The following NPRL3 variants were observed in gnomAD, a reference collection of about 807,000 sequenced individuals.
NPRL3 encodes the protein NPR3 like, GATOR1 complex subunit, also known as GATOR1 complex protein NPRL3.
Under a neutral mutation model 57.2 loss-of-function variants are expected in NPRL3, and 23 were observed. That is an observed-to-expected ratio of 0.40 (90% confidence interval 0.29 to 0.57). The LOEUF is 0.57. NPRL3 is among the 20% of genes least tolerant of loss of function. The pLI is 0.42. For synonymous variants in NPRL3, 333 were observed against 321.1 expected, an observed-to-expected ratio of 1.04 and a Z score of -0.39; for missense variants, 691 against 767.1, an observed-to-expected ratio of 0.90 and a Z score of 1.17.
intron 3 of NPRL3, among the ~76,000 whole-genome samples, chr16:129,908 T>C (rs1165278784): frequency 6.6e-6 from 1 of 152,200 alleles, no homozygotes; most frequent in Non-Finnish European, 1.5e-5. Flanking sequence ...TGTTACCATT[T>C]ACTATGCTTC....
intron 8 of NPRL3, among the ~76,000 whole-genome samples, 157 bp from the exon 9 acceptor site, chr16:98,458 A>G (rs542351883): frequency 1.2e-4 from 18 of 151,644 alleles, no homozygotes; most frequent in African/African-American, 4.4e-4. Flanking sequence ...ACTCAAACAC[A>G]CGGAACATAC....
chr16:85,451 G>A lies in NPRL3; in HGVS notation c.*1254C>T. The A allele has an allele frequency of 1.9e-6, 3 of 1,612,912 alleles. No homozygotes were observed. Among genetic ancestry groups the A allele is most frequent in the Non-Finnish European group, 2.5e-6 (3 of 1,179,966 alleles). ...AGCACTGGAGCCCCTGGAAGGTCTG[G>A]AGACCATGCGTCAGCTTCGCAGCAC... On this transcript the variant is annotated 3_prime_UTR_variant, in exon 14 of 14. Transcript: ENST00000611875.
At chr16:87,612 G>A (rs75943003) in intron 13 of NPRL3, among the ~76,000 whole-genome samples, 1 of 148,106 alleles carries the variant, frequency 6.8e-6, no homozygotes. Context: ...TGGGCTCACT[G>A]CAACTCCCGC....
chr16:98,316 C>A lies in NPRL3; in HGVS notation c.768-15G>T. 2 of 1,607,540 alleles carry A rather than the reference C, an allele frequency of 1.2e-6. No individual in the cohort carries two copies. Among genetic ancestry groups the A allele is most frequent in the African/African-American group, 1.4e-5 (1 of 72,830 alleles). On this transcript the variant is annotated splice_polypyrimidine_tract_variant and intron_variant, in intron 8 of 13. Transcript: ENST00000611875. ...CATGGTAGGGGCTGCAAAACAATCA[C>A]CTGTCACGGAACACACGAAGTGCAG...
At chr16:117,858 C>T (rs1218257501) in intron 4 of NPRL3, among the ~76,000 whole-genome samples, 1 of 152,266 alleles carries the variant, frequency 6.6e-6, no homozygotes, top group Admixed American at 6.5e-5. Flanking sequence ...GCCAGCTTCA[C>T]AAGGACCAGG....
rs1159500068 is a variant in NPRL3 at position 85,848 on chromosome 16, T to C, written c.*857A>G. The C allele has an allele frequency of 3.6e-6, 5 of 1,392,114 alleles. No individual in the cohort carries two copies. Among genetic ancestry groups the C allele is most frequent in the Non-Finnish European group, 4.7e-6 (5 of 1,069,928 alleles). The allele number at this position is 1,392,114 out of a possible 1,614,324, so 86.2% of individuals were successfully genotyped here. A position where few individuals can be genotyped will look rare whatever the true frequency, so the allele number is the denominator to read the frequency against. ...AATAAATGTTTTATTTCTAGAAAAC[T>C]GTGCCTTAGCCAGAGCTCCTCTAGG... On this transcript the variant is annotated 3_prime_UTR_variant, in exon 14 of 14. Transcript: ENST00000611875.
At chr16:138,075 G>A (rs1472156818) in intron 2 of NPRL3, 75 bp downstream of exon 2, 3 of 1,094,570 alleles carry the variant, frequency 2.7e-6, no homozygotes, top group African/African-American at 3.2e-5. Flanking sequence ...GCTCCGCGAG[G>A]CGGCCCTGGA....
chr16:99,961 A>AAAAAAAAAAAAAAAAAAG (rs1567134282), intron 8 of NPRL3, among the ~76,000 whole-genome samples: 14 of 123,362 alleles, frequency 1.1e-4, no homozygotes, highest in Non-Finnish European at 1.7e-4. Context: ...CACCCCCGCA[A>AAAAAAAAAAAAAAAAAAG]AAAAAAAAAA....
intron 3 of NPRL3, 109 bp from the exon 4 acceptor site, chr16:119,364 T>G: frequency 1.8e-6 from 2 of 1,108,906 alleles, no homozygotes; most frequent in Non-Finnish European, 2.6e-6. Flanking sequence ...CTTCATGGAG[T>G]TGCTCTGCCC....
At chr16:93,006 G>C (rs1473118305) in intron 10 of NPRL3, 6 of 614,966 alleles carry the variant, frequency 9.8e-6, no homozygotes, top group Non-Finnish European at 1.7e-5. Flanking sequence ...CCAGGCATAT[G>C]GGGGACACAG....
intron 4 of NPRL3, 138 bp downstream of exon 4, chr16:118,988 G>C (rs1383323916): frequency 7.6e-7 from 1 of 1,312,948 alleles, no homozygotes; most frequent in East Asian, 2.5e-5. Context: ...AGCCCCACCT[G>C]CCCAAGGAGA....
At chr16:124,973 A>AGGCTGAGGCAGGAGAATC (rs1312253378) in intron 3 of NPRL3, 2 of 150,288 alleles carry the variant, frequency 1.3e-5, no homozygotes, top group Non-Finnish European at 2.9e-5. Context: ...GCTACTCGGG[A>AGGCTGAGGCAGGAGAATC]GGCTGAGGCA....
chr16:96,196 G>C (rs1399460312), intron 9 of NPRL3, among the ~76,000 whole-genome samples: 3 of 152,212 alleles, frequency 2.0e-5, no homozygotes, highest in African/African-American at 4.8e-5. Flanking sequence ...ACTCCTGCCA[G>C]ACAACCTCAG....
At chr16:119,073 A>T in intron 4 of NPRL3, 53 bp downstream of exon 4, 3 of 1,520,758 alleles carry the variant, frequency 2.0e-6, no homozygotes, top group Non-Finnish European at 2.6e-6. Flanking sequence ...CACCTGCCCA[A>T]GGAGAGCCAC....
chr16:93,036 G>GCACAGAT, intron 10 of NPRL3, 183 bp downstream of exon 10: 1 of 628,630 alleles, frequency 1.6e-6, no homozygotes, highest in East Asian at 2.7e-5. Context: ...AGAGCACAGA[G>GCACAGAT]CCAGACCAGA....
Position 92,669 on chromosome 16 carries a change from G to A in NPRL3, c.1088C>T (p.Ser363Phe). Residue 363 changes from serine (S) to phenylalanine (F), a missense_variant, in exon 11 of 14, where the codon TCC becomes TTC. Coordinates refer to ENST00000611875, the MANE Select transcript of NPRL3 (RefSeq NM_001077350.3). ...CGGCAAGGAGAACTTGGCAAGAACG[G>A]ACGGCAGGTCATGAGATGGGAACTG... is the stretch of plus-strand genomic sequence containing the variant. ...SHQFPSHDLPSVLAKFSLPVS... is the reference protein window; with the variant it reads ...SHQFPSHDLPFVLAKFSLPVS... 6.2e-7 allele frequency: 1 copy of A among 1,613,926 alleles called. No individual in the cohort carries two copies.
At chr16:90,073 G>C (rs1005544392) in intron 11 of NPRL3, 171 bp from the exon 12 acceptor site, 2 of 614,166 alleles carry the variant, frequency 3.3e-6, no homozygotes, top group East Asian at 3.2e-5. Flanking sequence ...AGCTCTGCAA[G>C]GCCCGCTCAC....
intron 2 of NPRL3, among the ~76,000 whole-genome samples, chr16:133,889 T>C (rs1309529425): frequency 6.6e-6 from 1 of 152,146 alleles, no homozygotes; most frequent in African/African-American, 2.4e-5. Context: ...AATATTGTTG[T>C]GTCTAAGGGA....
At chr16:89,158 A>G (rs1898644262) in intron 12 of NPRL3, 3 of 474,274 alleles carry the variant, frequency 6.3e-6, no homozygotes, top group South Asian at 3.2e-5. Context: ...AAACACCCCA[A>G]GGTGGGCCTG....
Sources: gnomAD v4.1 joint callset for allele counts (sites outside exome capture counted in the v4.1 genomes callset) on GRCh38, gnomAD v4.1.1 for gene constraint, MANE v1.5 for transcripts, NCBI Gene and HGNC (gene_info 2026-07-23, HGNC 2026-07-21) for gene names.